Variants in NOX4 observed in about 807,000 individuals in gnomAD.
The protein encoded by NOX4 is NADPH oxidase 4.
A neutral mutation model predicts 87.6 loss-of-function variants in NOX4; 69 were observed. That is an observed-to-expected ratio of 0.79 (90% CI 0.65 to 0.96). NOX4 has a LOEUF of 0.96. NOX4 is among the 40% of genes least tolerant of loss of function. NOX4 has a pLI of 0.00. For missense variants in NOX4, 680 were observed against 681.5 expected, an observed-to-expected ratio of 1.00 and a Z score of 0.02; for synonymous variants, 275 against 238.2, an observed-to-expected ratio of 1.15 and a Z score of -1.42.
chr11:89,363,123 T>C (rs1938659047), intron 12 of NOX4, among the ~76,000 whole-genome samples: 1 of 152,064 alleles, frequency 6.6e-6, no homozygotes, highest in African/African-American at 2.4e-5. Context: ...AGGTATGCTC[T>C]GAGAGTTTGG....
upstream of NOX4, among the ~76,000 whole-genome samples, chr11:89,495,647 ATAT>A (rs1286875018): frequency 6.6e-6 from 1 of 152,224 alleles, no homozygotes; most frequent in Non-Finnish European, 1.5e-5. Flanking sequence ...AACCTAGATC[ATAT>A]TAATTTTCTT....
chr11:89,529,154 A>C, the NOX4 span, among the ~76,000 whole-genome samples: 1 of 152,188 alleles, frequency 6.6e-6, no homozygotes, highest in Non-Finnish European at 1.5e-5. Flanking sequence ...TGAATAGATA[A>C]CTGGGATTGA....
intron 11 of NOX4, among the ~76,000 whole-genome samples, chr11:89,394,672 G>T (rs1408555032): frequency 6.6e-6 from 1 of 151,890 alleles, no homozygotes; most frequent in Non-Finnish European, 1.5e-5. Context: ...CCCATGACAG[G>T]CCCTGGTTTG....
chr11:89,354,977 G>T lies in NOX4; in HGVS notation c.1202C>A (p.Ser401Tyr), dbSNP rs138335737. ...QDSEILPFIQ[S>Y]RNYPKLYIDG... ...TTTTGCTTACTTGGGATAATTTCTAGATTGAATGAAGGGCAGAATTTCGGA... is the reference window on the plus strand; with the variant it reads ...TTTTGCTTACTTGGGATAATTTCTATATTGAATGAAGGGCAGAATTTCGGA... Residue 401 changes from serine to tyrosine, a missense_variant, in exon 13 of 18, where the codon TCT becomes TAT. Physicochemically the swap from Ser to Tyr is moderately radical, Grantham distance 144. Coordinates refer to ENST00000263317, the MANE Select transcript of NOX4 (RefSeq NM_016931.5). 436 of 1,592,236 alleles carry T rather than the reference G, an allele frequency of 2.7e-4. 2 individuals carry two copies. The highest frequency in any genetic ancestry group is 3.3e-4 in the Non-Finnish European group (382 of 1,162,984).
chr11:89,494,931 C>A (rs1326816678), upstream of NOX4, among the ~76,000 whole-genome samples: 1 of 152,090 alleles, frequency 6.6e-6, no homozygotes, highest in East Asian at 1.9e-4. Context: ...AAGGTGTTCA[C>A]CAGATCACAA....
At chr11:89,490,070 T>C (rs182338038) in intron 2 of NOX4, among the ~76,000 whole-genome samples, 49 of 152,302 alleles carry the variant, frequency 3.2e-4, no homozygotes, top group African/African-American at 1.2e-3. Context: ...GCAGAAATCC[T>C]CTGGATAAGC....
chr11:89,458,681 G>A (rs1945316531), intron 2 of NOX4, among the ~76,000 whole-genome samples: 1 of 151,960 alleles, frequency 6.6e-6, no homozygotes, highest in African/African-American at 2.4e-5. Flanking sequence ...ACATACAGCT[G>A]GCCAACAAGC....
In NOX4 at chr11:89,349,870, T is replaced by A. The variant is rs192909059; in HGVS notation, c.1217+5092A>T. On this transcript the variant is annotated intron_variant, in intron 13 of 17. Coordinates refer to ENST00000263317, the MANE Select transcript of NOX4 (RefSeq NM_016931.5). Reference sequence around the variant, plus strand: ...AAATTATACCAGATGTACTTAACCATTTTACATGTCCAAGCTGTATTTACA... The same window carrying A: ...AAATTATACCAGATGTACTTAACCAATTTACATGTCCAAGCTGTATTTACA... Among the ~76,000 whole-genome samples, 22 of 152,316 alleles carry A rather than the reference T, an allele frequency of 1.4e-4. No individual in the cohort carries two copies. In the East Asian group the frequency reaches 4.2e-3, roughly 29 times the overall value.
chr11:89,542,034 C>G, the NOX4 span, among the ~76,000 whole-genome samples: 2 of 151,900 alleles, frequency 1.3e-5, no homozygotes, highest in South Asian at 4.2e-4. Context: ...TGGTCTCTAA[C>G]TCCTGGATGC....
chr11:89,388,651 AC>A (rs551018170), intron 11 of NOX4, among the ~76,000 whole-genome samples: 205 of 152,246 alleles, frequency 1.3e-3, no homozygotes, highest in African/African-American at 4.7e-3. Flanking sequence ...AGGAAACCTA[AC>A]CTAAAACGTC....
the NOX4 span, among the ~76,000 whole-genome samples, chr11:89,533,200 T>A: frequency 6.6e-6 from 1 of 152,338 alleles, no homozygotes; most frequent in African/African-American, 2.4e-5. Flanking sequence ...TATATTTTAT[T>A]TGCTACAATT....
At chr11:89,553,101 G>T in the NOX4 span, among the ~76,000 whole-genome samples, 1 of 152,096 alleles carries the variant, frequency 6.6e-6, no homozygotes, top group East Asian at 1.9e-4. Flanking sequence ...ACCCCACACA[G>T]GGTCCTAGTC....
chr11:89,444,048 G>A, intron 5 of NOX4, 87 bp downstream of exon 5: 2 of 1,090,528 alleles, frequency 1.8e-6, no homozygotes, highest in Non-Finnish European at 1.4e-6. Context: ...GGAGCAGTAA[G>A]GTACAAATTT....
chr11:89,337,814 C>T (rs1380135063), intron 15 of NOX4, among the ~76,000 whole-genome samples: 1 of 151,902 alleles, frequency 6.6e-6, no homozygotes, highest in Non-Finnish European at 1.5e-5. Context: ...AAATATTAGT[C>T]CTTCTGAAAT....
the NOX4 span, among the ~76,000 whole-genome samples, chr11:89,518,390 T>G: frequency 1.3e-3 from 203 of 151,790 alleles, 1 homozygote; most frequent in Non-Finnish European, 2.4e-3. Flanking sequence ...GGGACAAAGA[T>G]GCTACTTGCT....
At chr11:89,331,121 T>C (rs1477963733) in intron 17 of NOX4, among the ~76,000 whole-genome samples, 4 of 151,916 alleles carry the variant, frequency 2.6e-5, no homozygotes, top group African/African-American at 9.7e-5. Flanking sequence ...TTTTAAGGGA[T>C]TAGAATCACA....
chr11:89,393,329 T>C (rs1014765713), intron 11 of NOX4, among the ~76,000 whole-genome samples: 5 of 152,132 alleles, frequency 3.3e-5, no homozygotes, highest in African/African-American at 1.2e-4. Context: ...AACACTTCTG[T>C]GAGATAGCTC....
At chr11:89,389,663 T>G (rs1020511767) in intron 11 of NOX4, among the ~76,000 whole-genome samples, 10 of 152,194 alleles carry the variant, frequency 6.6e-5, no homozygotes, top group Non-Finnish European at 1.2e-4. Context: ...ATTTTACTTA[T>G]TTTTGTTTTC....
chr11:89,413,351 T>G (rs1198127355), intron 8 of NOX4, among the ~76,000 whole-genome samples: 1 of 152,060 alleles, frequency 6.6e-6, no homozygotes. Flanking sequence ...AGAAAAGAAA[T>G]CAGTATATTG....
Sources: allele counts gnomAD v4.1 joint callset (sites outside exome capture counted in the v4.1 genomes callset), GRCh38; gene constraint gnomAD v4.1.1; transcripts MANE v1.5; gene names NCBI Gene and HGNC (gene_info 2026-07-23, HGNC 2026-07-21).